SLIT2: variants seen among roughly 807,000 people sequenced by gnomAD.
SLIT2 encodes the protein slit homolog 2 protein.
A neutral mutation model predicts 185.7 loss-of-function variants in SLIT2; 41 were observed. The ratio of observed to expected loss-of-function variants is 0.22; its 90% CI spans 0.17 to 0.29. The LOEUF is 0.29. SLIT2 is among the 10% of genes least tolerant of loss of function. SLIT2 has a pLI of 1.00. For missense variants in SLIT2, 1,571 were observed against 1,909.0 expected, an observed-to-expected ratio of 0.82 and a Z score of 3.30; for synonymous variants, 693 against 680.2, an observed-to-expected ratio of 1.02 and a Z score of -0.29.
intron 4 of SLIT2, among the ~76,000 whole-genome samples, chr4:20,320,616 C>G (rs966481264): frequency 2.6e-5 from 4 of 152,122 alleles, no homozygotes; most frequent in Admixed American, 2.6e-4. Flanking sequence ...ATCCCCACTA[C>G]TCCCTTTACT....
At chr4:20,388,704 G>GC (rs1281537585) in intron 4 of SLIT2, among the ~76,000 whole-genome samples, 1 of 150,910 alleles carries the variant, frequency 6.6e-6, no homozygotes, top group Non-Finnish European at 1.5e-5. Context: ...AACCCAGGAG[G>GC]CAGAGGTTGC....
At position 20,253,261 on chromosome 4, in the gene SLIT2, GC is replaced by G. The variant is rs1722181610; in HGVS notation, c.-551del. On this transcript the variant is annotated 5_prime_UTR_variant, in exon 1 of 37. It removes the in-frame stop codon of an upstream open reading frame in the 5' UTR. Transcript: ENST00000504154. ...GCACCCCCGCGCGCCATGCCCAGTT[GC>G]CCCGCGCGCTCTGCTACGGGCCCGC... is the stretch of plus-strand genomic sequence containing the variant. 1 of 154,766 alleles carries G rather than the reference GC, an allele frequency of 6.5e-6. No homozygotes were observed. Among genetic ancestry groups the G allele is most frequent in the Non-Finnish European group, 1.4e-5 (1 of 69,796 alleles). The allele number at this position is 154,766 out of a possible 1,614,324, so 9.6% of individuals were successfully genotyped here.
intron 20 of SLIT2, 21 bp downstream of exon 20, chr4:20,541,640 CTT>C (rs1560179416): frequency 8.7e-6 from 14 of 1,608,378 alleles, no homozygotes; most frequent in Non-Finnish European, 1.1e-5. Context: ...CTTATCAACT[CTT>C]TGATTGTCAG....
At chr4:20,479,459 C>A (rs557841983) in intron 5 of SLIT2, among the ~76,000 whole-genome samples, 1 of 152,128 alleles carries the variant, frequency 6.6e-6, no homozygotes, top group Non-Finnish European at 1.5e-5. Context: ...CGATCATAAT[C>A]TTACTCCTGT....
intron 4 of SLIT2, among the ~76,000 whole-genome samples, chr4:20,368,219 C>CAAAAAAAAAAAAAA (rs71653879): frequency 1.9e-3 from 208 of 106,760 alleles, no homozygotes; most frequent in Non-Finnish European, 2.2e-3. Flanking sequence ...CACAAAATAG[C>CAAAAAAAAAAAAAA]AAAAAAAAAA....
At chr4:20,287,524 C>T (rs1312210756) in intron 4 of SLIT2, among the ~76,000 whole-genome samples, 1 of 152,162 alleles carries the variant, frequency 6.6e-6, no homozygotes, top group East Asian at 1.9e-4. Flanking sequence ...ATCTCATTAT[C>T]ACCTTAGGTC....
chr4:20,482,500 G>A (rs1000402558), intron 6 of SLIT2, among the ~76,000 whole-genome samples: 2 of 151,948 alleles, frequency 1.3e-5, no homozygotes, highest in African/African-American at 4.8e-5. Flanking sequence ...GTTGTCTTCA[G>A]AAGCAGTACG....
At chr4:20,368,219 C>CAAA (rs71653879) in intron 4 of SLIT2, among the ~76,000 whole-genome samples, 62 of 107,410 alleles carry the variant, frequency 5.8e-4, no homozygotes, top group African/African-American at 1.9e-3. Flanking sequence ...CACAAAATAG[C>CAAA]AAAAAAAAAA....
chr4:20,261,530 G>A (rs1712476179), intron 3 of SLIT2, among the ~76,000 whole-genome samples: 1 of 151,920 alleles, frequency 6.6e-6, no homozygotes, highest in East Asian at 1.9e-4. Context: ...CTGTTTATGG[G>A]ATTAGATACT....
intron 29 of SLIT2, chr4:20,573,289 T>A (rs1560206512): frequency 8.5e-6 from 6 of 702,854 alleles, no homozygotes; most frequent in Non-Finnish European, 1.6e-5. Context: ...CTATTATGAT[T>A]TTCATTTTAG....
intron 4 of SLIT2, among the ~76,000 whole-genome samples, chr4:20,288,451 G>A (rs771350192): frequency 6.6e-6 from 1 of 152,210 alleles, no homozygotes; most frequent in African/African-American, 2.4e-5. Context: ...TGCTCTGCAC[G>A]TGTGCATGAC....
chr4:20,295,848 G>T (rs559408755), intron 4 of SLIT2, among the ~76,000 whole-genome samples: 76 of 152,110 alleles, frequency 5.0e-4, no homozygotes, highest in African/African-American at 1.7e-3. Context: ...AAAAAAATAA[G>T]AAAGGAAAAA....
chr4:20,262,276 C>A (rs1712553600), intron 3 of SLIT2, among the ~76,000 whole-genome samples: 1 of 151,730 alleles, frequency 6.6e-6, no homozygotes, highest in Non-Finnish European at 1.5e-5. Flanking sequence ...CACTCCTAAG[C>A]ATGGGACAGA....
chr4:20,258,477 A>G (rs1381115104), intron 3 of SLIT2, among the ~76,000 whole-genome samples: 3 of 151,802 alleles, frequency 2.0e-5, no homozygotes, highest in Non-Finnish European at 4.4e-5. Context: ...CCCTAGCTTT[A>G]AAAATATTTA....
At chr4:20,578,576 C>T (rs1052709652) in intron 29 of SLIT2, among the ~76,000 whole-genome samples, 1 of 152,140 alleles carries the variant, frequency 6.6e-6, no homozygotes, top group Non-Finnish European at 1.5e-5. Flanking sequence ...CCAGTACCCT[C>T]GCCACCTCTT....
chr4:20,594,391 GTA>G (rs1207154912), intron 30 of SLIT2, among the ~76,000 whole-genome samples: 1 of 151,688 alleles, frequency 6.6e-6, no homozygotes, highest in Non-Finnish European at 1.5e-5. Context: ...ATATGTATGT[GTA>G]TGTGTGTGTA....
In SLIT2 at chr4:20,550,883, C is replaced by T. The variant is rs527860547; in HGVS notation, c.2546C>T (p.Ser849Phe). Reference protein sequence around the residue: ...VVPEGAFNDLSALSHLAIGAN... With the variant: ...VVPEGAFNDLFALSHLAIGAN... The stretch of plus-strand genomic sequence containing the variant: ...CCTGAAGGTGCTTTCAATGATCTTT[C>T]TGCATTATCACATCTGTGAGTACCT... Residue 849 changes from serine (S) to phenylalanine (F), a missense_variant, in exon 25 of 37, where the codon TCT (serine) becomes TTT (phenylalanine). Ser to Phe is a radical substitution (Grantham distance 155). Around this residue, in one of 3 missense-constraint regions of SLIT2, gnomAD observed 1,202 missense variants for 1,416.4 expected, o/e 0.85. Coordinates refer to ENST00000504154, the MANE Select transcript of SLIT2 (RefSeq NM_004787.4). The T allele has an allele frequency of 1.2e-6, 2 of 1,600,290 alleles. No individual in the cohort carries two copies. Among genetic ancestry groups the T allele is most frequent in the Non-Finnish European group, 1.7e-6 (2 of 1,168,598 alleles).
At chr4:20,374,986 T>C (rs1723901968) in intron 4 of SLIT2, among the ~76,000 whole-genome samples, 1 of 152,112 alleles carries the variant, frequency 6.6e-6, no homozygotes, top group Non-Finnish European at 1.5e-5. Flanking sequence ...TTGCTTTTTT[T>C]TTCTTCCTTA....
chr4:20,264,802 A>G (rs1441802287), intron 3 of SLIT2, among the ~76,000 whole-genome samples: 1 of 151,970 alleles, frequency 6.6e-6, no homozygotes, highest in Non-Finnish European at 1.5e-5. Context: ...GGGAGAAAGT[A>G]TCTCAGAGAC....
Sources: gnomAD v4.1 joint callset for allele counts (sites outside exome capture counted in the v4.1 genomes callset) on GRCh38, gnomAD v4.1.1 for gene constraint, gnomAD v4.1.1 regional missense constraint, MANE v1.5 for transcripts, NCBI Gene and HGNC (gene_info 2026-07-23, HGNC 2026-07-21) for gene names.